Variants in SH2B3 observed in about 807,000 individuals in gnomAD.
SH2B3 encodes the protein SH2B adapter protein 3.
In SH2B3, 43 loss-of-function variants were observed where a neutral mutation model predicts 51.9. That is an observed-to-expected ratio of 0.83 (90% CI 0.65 to 1.07). The LOEUF (loss-of-function observed/expected upper bound fraction) is 1.07. SH2B3 is among the 50% of genes least tolerant of loss of function. The pLI, the probability that SH2B3 is intolerant of heterozygous loss-of-function variation, is 0.00. For missense variants in SH2B3, 952 were observed against 834.3 expected, an observed-to-expected ratio of 1.14 and a Z score of -1.74; for synonymous variants, 396 against 376.0, an observed-to-expected ratio of 1.05 and a Z score of -0.62.
At position 111,429,045 on chromosome 12, in the gene SH2B3, G is replaced by A. The variant is rs866094315; in HGVS notation, c.732+10168G>A. Among the ~76,000 whole-genome samples the A allele has an allele frequency of 4.8e-5, 7 of 146,526 alleles. No homozygotes were observed. The South Asian group carries it at 1.1e-3, about 23-fold the overall frequency. ...AGGAGGAGGAGGAGGAGGAGGAGGA[G>A]GAAGAGGAGGAGGAGGAGGAGGAGG... On this transcript the variant is annotated intron_variant, in intron 2 of 7. Transcript: ENST00000341259. This position sits in a 1 kb window ranked among gnomAD's most constrained non-coding sequence, Gnocchi z 4.4.
At chr12:111,442,788 T>C (rs1055052130) in intron 2 of SH2B3, among the ~76,000 whole-genome samples, 4 of 152,242 alleles carry the variant, frequency 2.6e-5, no homozygotes, top group Admixed American at 2.0e-4. Flanking sequence ...TCCTGCTCTC[T>C]CACCAGGGGA....
In SH2B3 at chr12:111,448,938, A is replaced by C. The variant is rs1874336589; in HGVS notation, c.*636A>C. On this transcript the variant is annotated 3_prime_UTR_variant, in exon 8 of 8. Coordinates refer to ENST00000341259, the MANE Select transcript of SH2B3 (RefSeq NM_005475.3). ...ACTTAACCACTGCTTATTTCAGTGC[A>C]CTGTTTCAACTAACACCCATGCTAT... The C allele has an allele frequency of 1.3e-5, 2 of 153,014 alleles. No individual in the cohort carries two copies. Among genetic ancestry groups the C allele is most frequent in the East Asian group, 1.9e-4 (1 of 5,202 alleles). The allele number at this position is 153,014 out of a possible 1,614,324, so 9.5% of individuals were successfully genotyped here. A position where few individuals can be genotyped will look rare whatever the true frequency, so the allele number is the denominator to read the frequency against.
At chr12:111,442,244 G>C (rs959283520) in intron 2 of SH2B3, among the ~76,000 whole-genome samples, 2 of 152,026 alleles carry the variant, frequency 1.3e-5, no homozygotes, top group African/African-American at 4.8e-5. Flanking sequence ...CCTCCAGTAA[G>C]AAGGTCAACA....
chr12:111,419,648 AAAT>A (rs1871377142), intron 2 of SH2B3, among the ~76,000 whole-genome samples: 1 of 152,116 alleles, frequency 6.6e-6, no homozygotes, highest in African/African-American at 2.4e-5. Flanking sequence ...AAAAAAAAAA[AAAT>A]GTTTAGACTT....
chr12:111,418,249 T>G lies in SH2B3; in HGVS notation c.104T>G (p.Val35Gly), dbSNP rs1871231900. ...GWSEFCELHAVAAARELARQY... is the reference protein window; with the variant it reads ...GWSEFCELHAGAAARELARQY... ...AGCGAGTTCTGTGAGTTGCACGCCG[T>G]AGCGGCGGCCCGGGAGCTGGCCCGC... is the stretch of plus-strand genomic sequence containing the variant. Residue 35 changes from valine (V) to glycine (G), a missense_variant, in exon 2 of 8, where the codon GTA becomes GGA. Physicochemically the swap from Val to Gly is moderately radical, Grantham distance 109. Coordinates refer to ENST00000341259, the MANE Select transcript of SH2B3 (RefSeq NM_005475.3). This position sits in a 1 kb window ranked among gnomAD's most constrained non-coding sequence, Gnocchi z 6.7. 2.6e-6 allele frequency: 4 copies of G among 1,541,846 alleles called. No individual in the cohort carries two copies. Among genetic ancestry groups the G allele is most frequent in the Non-Finnish European group, 3.5e-6 (4 of 1,151,670 alleles).
Position 111,418,172 on chromosome 12 carries a change from C to G in SH2B3, c.27C>G (p.Ser9=). The change falls in exon 2 of 8, where the codon TCC becomes TCG. Residue 9 remains serine, a synonymous_variant. Transcript: ENST00000341259. This position sits in a 1 kb window ranked among gnomAD's most constrained non-coding sequence, Gnocchi z 6.7. MNGPALQP[S]SPSSAPSASP... ...TGAACGGGCCTGCCCTGCAGCCCTC[C>G]TCGCCCTCTTCCGCGCCCTCAGCCT... The G allele has an allele frequency of 1.3e-6, 2 of 1,551,912 alleles. No homozygotes were observed. The highest frequency in any genetic ancestry group is 1.7e-6 in the Non-Finnish European group (2 of 1,162,402).
chr12:111,447,577 C>T, intron 6 of SH2B3, 33 bp downstream of exon 6: 3 of 1,602,614 alleles, frequency 1.9e-6, no homozygotes, highest in Non-Finnish European at 8.5e-7. Flanking sequence ...GTGGGGCAGG[C>T]AGGACCGTGC....
intron 2 of SH2B3, among the ~76,000 whole-genome samples, chr12:111,436,157 A>G (rs1392968103): frequency 2.0e-5 from 3 of 152,152 alleles, no homozygotes; most frequent in Admixed American, 2.0e-4. Context: ...CTTATTTGGC[A>G]CTTGAGAGCC....
intron 2 of SH2B3, among the ~76,000 whole-genome samples, chr12:111,419,456 G>A (rs1871364477): frequency 6.6e-6 from 1 of 152,200 alleles, no homozygotes; most frequent in Non-Finnish European, 1.5e-5. Context: ...GGCCAACATA[G>A]TGAAACCCTG....
chr12:111,418,784 CG>C lies in SH2B3; in HGVS notation c.643del (p.Ala215HisfsTer63). The C allele has an allele frequency of 1.4e-6, 2 of 1,465,806 alleles. No individual in the cohort carries two copies. The highest frequency in any genetic ancestry group is 8.9e-7 in the Non-Finnish European group (1 of 1,118,136). The allele number at this position is 1,465,806 out of a possible 1,614,324, so 90.8% of individuals were successfully genotyped here. ...SLADEASMDS[G>X]ARWQRGRLAL... ...TGGCCGACGAGGCCTCCATGGACAG[CG>C]GGGCACGCTGGCAGCGCGGGAGGCT... is the stretch of plus-strand genomic sequence containing the variant. On this transcript the variant is annotated frameshift_variant, in exon 2 of 8. Coordinates refer to ENST00000341259, the MANE Select transcript of SH2B3 (RefSeq NM_005475.3). LOFTEE classifies it high-confidence loss of function. The surrounding 1 kb of genome is among the most constrained non-coding windows in gnomAD (Gnocchi z 6.7).
intron 1 of SH2B3, among the ~76,000 whole-genome samples, chr12:111,417,201 G>A (rs1219013676): frequency 6.6e-6 from 1 of 152,124 alleles, no homozygotes; most frequent in Non-Finnish European, 1.5e-5. Flanking sequence ...CCAGCTGGTG[G>A]GCATTTAGGT....
chr12:111,436,874 C>T (rs2135584241), intron 2 of SH2B3, among the ~76,000 whole-genome samples: 1 of 152,094 alleles, frequency 6.6e-6, no homozygotes, highest in South Asian at 2.1e-4. Flanking sequence ...CCTGTCTGTC[C>T]CAGCATCTCT....
In SH2B3 at chr12:111,407,956, T is replaced by C. The variant is rs1441079885; in HGVS notation, c.-28+1679T>C. On this transcript the variant is annotated intron_variant, in intron 1 of 7. Coordinates refer to ENST00000341259, the MANE Select transcript of SH2B3 (RefSeq NM_005475.3). The surrounding 1 kb of genome is among the most constrained non-coding windows in gnomAD (Gnocchi z 4.3). ...AAATGGGGGAGTAACAGGTTTGCAGTGGAGATTTAATGAGCCAGTGTGTAA... is the reference window on the plus strand; with the variant it reads ...AAATGGGGGAGTAACAGGTTTGCAGCGGAGATTTAATGAGCCAGTGTGTAA... 1.3e-5 allele frequency among the ~76,000 whole-genome samples: 2 copies of C among 152,132 alleles called. No homozygotes were observed. The highest frequency in any genetic ancestry group is 4.8e-5 in the African/African-American group (2 of 41,420).
chr12:111,423,465 G>T (rs1479734488), intron 2 of SH2B3, among the ~76,000 whole-genome samples: 1 of 152,076 alleles, frequency 6.6e-6, no homozygotes, highest in African/African-American at 2.4e-5. Flanking sequence ...CGCCTCCCGG[G>T]TTCATGCCAT....
At chr12:111,422,881 G>A (rs1871667179) in intron 2 of SH2B3, among the ~76,000 whole-genome samples, 1 of 152,080 alleles carries the variant, frequency 6.6e-6, no homozygotes. Flanking sequence ...ATTTTTAGTA[G>A]AGATGGGGTT....
In SH2B3 at chr12:111,447,751, G is replaced by A. The variant is rs537682357; in HGVS notation, c.1332G>A (p.Ser444=). The A allele has an allele frequency of 5.6e-6, 9 of 1,614,034 alleles. No individual in the cohort carries two copies. Among genetic ancestry groups the A allele is most frequent in the Middle Eastern group, 1.6e-4 (1 of 6,062 alleles). ...VVDMLHHFQR[S]PIPLECGAAC... ...ACATGCTCCACCACTTCCAGCGCTCGCCCATCCCACTCGAGTGCGGCGCCG... is the reference window on the plus strand; with the variant it reads ...ACATGCTCCACCACTTCCAGCGCTCACCCATCCCACTCGAGTGCGGCGCCG... The change falls in exon 7 of 8, where the codon TCG becomes TCA. Residue 444 remains serine (S), a synonymous_variant. Coordinates refer to ENST00000341259, the MANE Select transcript of SH2B3 (RefSeq NM_005475.3).
At chr12:111,423,041 A>G (rs983425422) in intron 2 of SH2B3, among the ~76,000 whole-genome samples, 1 of 152,154 alleles carries the variant, frequency 6.6e-6, no homozygotes, top group African/African-American at 2.4e-5. Flanking sequence ...TGGGCCTTCC[A>G]GGCAGAGGGA....
At position 111,407,015 on chromosome 12, in the gene SH2B3, T is replaced by A. The variant is rs1377040961; in HGVS notation, c.-28+738T>A. 2.6e-5 allele frequency among the ~76,000 whole-genome samples: 4 copies of A among 152,208 alleles called. No homozygotes were observed. Among genetic ancestry groups the A allele is most frequent in the Admixed American group, 2.6e-4 (4 of 15,276 alleles). ...GGGATGGTATTTCAGAGGTCTCTGATGCCTGGTGCAGAAATCCCCTTCCCT... is the reference window on the plus strand; with the variant it reads ...GGGATGGTATTTCAGAGGTCTCTGAAGCCTGGTGCAGAAATCCCCTTCCCT... On this transcript the variant is annotated intron_variant, in intron 1 of 7. Coordinates refer to ENST00000341259, the MANE Select transcript of SH2B3 (RefSeq NM_005475.3). The surrounding 1 kb of genome is among the most constrained non-coding windows in gnomAD (Gnocchi z 4.3).
At position 111,448,492 on chromosome 12, in the gene SH2B3, C is replaced by T. The variant is rs1874285627; in HGVS notation, c.*190C>T. ...GGGCCCTCCTGTAGGTTTCATCTAT[C>T]CACCTGGCTTTCTCCTTATTGTTTA... On this transcript the variant is annotated 3_prime_UTR_variant, in exon 8 of 8. Coordinates refer to ENST00000341259, the MANE Select transcript of SH2B3 (RefSeq NM_005475.3). The T allele has an allele frequency of 3.4e-6, 2 of 592,180 alleles. No homozygotes were observed. The highest frequency in any genetic ancestry group is 4.1e-5 in the South Asian group (2 of 48,294). The allele number at this position is 592,180 out of a possible 1,614,324, so 36.7% of individuals were successfully genotyped here.
Sources: allele counts gnomAD v4.1 joint callset (sites outside exome capture counted in the v4.1 genomes callset), GRCh38; gene constraint gnomAD v4.1.1; non-coding constraint Gnocchi (gnomAD v3.1); transcripts MANE v1.5; gene names NCBI Gene and HGNC (gene_info 2026-07-23, HGNC 2026-07-21).